Variants in CDH13 observed in about 807,000 individuals in gnomAD.
CDH13 encodes cadherin 13.
CDH13 carries 24 observed loss-of-function variants against 63.8 expected under a neutral mutation model. The observed-to-expected ratio is 0.38, with a 90% CI of 0.27 to 0.53. The LOEUF (loss-of-function observed/expected upper bound fraction) is 0.53, where lower values mean the gene tolerates loss of function less well. Ranked by LOEUF, CDH13 falls within the 20% of genes least tolerant of loss-of-function variation. CDH13 has a pLI of 0.85. For synonymous variants in CDH13, 503 were observed against 355.3 expected (o/e 1.42, Z -4.67); for missense variants, 1,049 against 903.1 (o/e 1.16, Z -2.07).
chr16:83,607,789 C>G (rs1187154411), intron 8 of CDH13, among the ~76,000 whole-genome samples: 1 of 152,110 alleles, frequency 6.6e-6, no homozygotes, highest in Non-Finnish European at 1.5e-5. Context: ...GAACTTCTTA[C>G]ATAAGGTATT....
intron 7 of CDH13, among the ~76,000 whole-genome samples, chr16:83,520,033 A>G (rs2074792813): frequency 6.6e-6 from 1 of 152,334 alleles, no homozygotes; most frequent in Non-Finnish European, 1.5e-5. Context: ...ACTTCATGAT[A>G]TAAATGTTCA....
intron 1 of CDH13, among the ~76,000 whole-genome samples, chr16:82,801,447 T>C (rs2036848696): frequency 6.6e-6 from 1 of 152,202 alleles, no homozygotes; most frequent in South Asian, 2.1e-4. Context: ...TGTGCAATCA[T>C]TCAGGAACAT....
intron 7 of CDH13, among the ~76,000 whole-genome samples, chr16:83,515,717 ATT>A (rs1191096982): frequency 6.6e-6 from 1 of 152,140 alleles, no homozygotes; most frequent in Non-Finnish European, 1.5e-5. Flanking sequence ...AAAATACATT[ATT>A]TTTCTCAAGT....
chr16:83,551,151 A>T (rs2075486483), intron 7 of CDH13, among the ~76,000 whole-genome samples: 1 of 151,854 alleles, frequency 6.6e-6, no homozygotes, highest in African/African-American at 2.4e-5. Context: ...GCATGATCTC[A>T]GCTCCCTGCA....
In CDH13 at chr16:83,486,365, T is replaced by C. The variant is rs2073889286; in HGVS notation, c.782-112T>C. 9 of 743,416 alleles carry C rather than the reference T, an allele frequency of 1.2e-5. No individual in the cohort carries two copies. In the South Asian group the frequency reaches 1.8e-4, roughly 15 times the overall value. The allele number at this position is 743,416 out of a possible 1,614,324, so 46.1% of individuals were successfully genotyped here. ...TTGGGAAATACTTTTCTTTTTTAAT[T>C]TGGAAAGTGATGGGCACACTGCTGC... On this transcript the variant is annotated intron_variant, in intron 6 of 13. Coordinates refer to ENST00000567109, the MANE Select transcript of CDH13 (RefSeq NM_001257.5).
chr16:82,770,845 C>A (rs2035234109), intron 1 of CDH13, among the ~76,000 whole-genome samples: 2 of 152,028 alleles, frequency 1.3e-5, no homozygotes, highest in Admixed American at 6.6e-5. Context: ...GTAGCTGGGA[C>A]TAAAAGCGCA....
At chr16:82,858,891 T>C (rs746314931) in intron 2 of CDH13, 9 of 193,022 alleles carry the variant, frequency 4.7e-5, no homozygotes, top group Non-Finnish European at 8.4e-5. Context: ...AGTATGACAT[T>C]GGCTTCTGGG....
chr16:83,703,033 A>G (rs1000647711), intron 10 of CDH13, among the ~76,000 whole-genome samples: 3 of 152,192 alleles, frequency 2.0e-5, no homozygotes, highest in East Asian at 3.9e-4. Context: ...TATGGAGCCT[A>G]TGTTTCCTTG....
intron 2 of CDH13, among the ~76,000 whole-genome samples, chr16:82,958,821 C>G (rs1172647366): frequency 6.6e-6 from 1 of 152,224 alleles, no homozygotes; most frequent in Non-Finnish European, 1.5e-5. Context: ...CACGCCCTGC[C>G]CAAAGGCCTT....
At chr16:83,752,663 C>T (rs1405338716) in intron 11 of CDH13, among the ~76,000 whole-genome samples, 1 of 152,206 alleles carries the variant, frequency 6.6e-6, no homozygotes, top group Non-Finnish European at 1.5e-5. Context: ...TCTCAACATT[C>T]AGCATACACC....
At chr16:82,831,024 T>C (rs1195511669) in intron 1 of CDH13, among the ~76,000 whole-genome samples, 1 of 152,154 alleles carries the variant, frequency 6.6e-6, no homozygotes, top group Admixed American at 6.5e-5. Flanking sequence ...CTTCTCTGCT[T>C]GCTCTCCTTT....
intron 2 of CDH13, among the ~76,000 whole-genome samples, chr16:82,959,299 C>A (rs908221900): frequency 6.6e-6 from 1 of 152,220 alleles, no homozygotes; most frequent in Non-Finnish European, 1.5e-5. Context: ...ACATTCATTT[C>A]ACTCAAACCT....
At chr16:83,759,745 A>C (rs1913805601) in intron 11 of CDH13, among the ~76,000 whole-genome samples, 1 of 151,984 alleles carries the variant, frequency 6.6e-6, no homozygotes, top group African/African-American at 2.4e-5. Context: ...TGAGTAATAA[A>C]GCAAGACCTT....
intron 2 of CDH13, among the ~76,000 whole-genome samples, chr16:83,026,401 C>A (rs1915803852): frequency 6.6e-6 from 1 of 152,190 alleles, no homozygotes; most frequent in African/African-American, 2.4e-5. Context: ...GTCTCTTCTC[C>A]TGTAAAATAT....
At chr16:83,754,808 C>T (rs1033035180) in intron 11 of CDH13, among the ~76,000 whole-genome samples, 9 of 152,056 alleles carry the variant, frequency 5.9e-5, no homozygotes, top group African/African-American at 1.4e-4. Context: ...TTTTAAATTG[C>T]CCAGTCTCTG....
intron 1 of CDH13, among the ~76,000 whole-genome samples, chr16:82,742,008 AAAAAATTGAAACACTCTAAATTTCT>A (rs1451329947): frequency 7.9e-5 from 12 of 152,214 alleles, no homozygotes; most frequent in African/African-American, 2.9e-4. Context: ...TTATAGTAGG[AAAAAATTGAAACACTCTAAATTTCT>A]TACAATATCA....
At chr16:83,017,531 T>C (rs145737693) in intron 2 of CDH13, among the ~76,000 whole-genome samples, 91 of 152,336 alleles carry the variant, frequency 6.0e-4, no homozygotes, top group African/African-American at 2.1e-3. Flanking sequence ...GAAATGTTCT[T>C]ACTCTCTGAG....
At chr16:83,096,983 C>G (rs576504778) in intron 3 of CDH13, among the ~76,000 whole-genome samples, 1 of 152,050 alleles carries the variant, frequency 6.6e-6, no homozygotes, top group South Asian at 2.1e-4. Context: ...TGGTCCTGTC[C>G]TTTGAATAAT....
chr16:82,842,050 C>T (rs1222163161), intron 1 of CDH13, among the ~76,000 whole-genome samples: 1 of 146,516 alleles, frequency 6.8e-6, no homozygotes, highest in Non-Finnish European at 1.5e-5. Context: ...CCCTCCCTCC[C>T]TGTATTTCTC....
Sources: gnomAD v4.1 joint callset for allele counts (sites outside exome capture counted in the v4.1 genomes callset) on GRCh38, gnomAD v4.1.1 for gene constraint, MANE v1.5 for transcripts, NCBI Gene and HGNC (gene_info 2026-07-23, HGNC 2026-07-21) for gene names.